The following TAFA1 variants were observed in gnomAD, a reference collection of about 807,000 sequenced individuals.
The protein encoded by TAFA1 is TAFA chemokine like family member 1, also known as chemokine-like protein TAFA-1.
TAFA1 carries 4 observed loss-of-function variants against 18.5 expected under a neutral mutation model. The observed-to-expected ratio is 0.22, with a 90% CI of 0.11 to 0.49. The LOEUF is 0.49. Among genes scored for constraint, TAFA1 ranks in the 20% least tolerant of loss-of-function variants. The pLI, the probability that TAFA1 is intolerant of heterozygous loss-of-function variation, is 0.98. For missense variants in TAFA1, 147 were observed against 169.0 expected, an observed-to-expected ratio of 0.87 and a Z score of 0.72; for synonymous variants, 56 against 55.2, an observed-to-expected ratio of 1.01 and a Z score of -0.06.
At chr3:68,335,766 A>G (rs2068960363) in intron 2 of TAFA1, among the ~76,000 whole-genome samples, 1 of 152,254 alleles carries the variant, frequency 6.6e-6, no homozygotes, top group Non-Finnish European at 1.5e-5. Flanking sequence ...AGCTAGAATG[A>G]ACACCCAGTT....
In TAFA1 at chr3:68,199,905, C is replaced by A. The variant is rs562925874; in HGVS notation, c.118+193161C>A. The stretch of plus-strand genomic sequence containing the variant: ...GAAAAGGAGTGGTGAGAGGCGACAC[C>A]CTTGCATTGTTTTTGATCTTAGTGG... On this transcript the variant is annotated intron_variant, in intron 2 of 4. Coordinates refer to ENST00000478136, the MANE Select transcript of TAFA1 (RefSeq NM_213609.4). Among the ~76,000 whole-genome samples the A allele has an allele frequency of 3.3e-5, 5 of 151,506 alleles. No homozygotes were observed. The East Asian group carries it at 7.8e-4, about 24-fold the overall frequency.
chr3:68,530,135 G>T (rs2073169756), intron 3 of TAFA1, among the ~76,000 whole-genome samples: 2 of 152,154 alleles, frequency 1.3e-5, no homozygotes, highest in African/African-American at 4.8e-5. Flanking sequence ...AGCAGGTAAT[G>T]TTTTGATAAA....
At chr3:68,165,158 G>T (rs144495993) in intron 2 of TAFA1, among the ~76,000 whole-genome samples, 1 of 152,266 alleles carries the variant, frequency 6.6e-6, no homozygotes, top group African/African-American at 2.4e-5. Context: ...TCGACTGCTG[G>T]AATTTTAGAA....
At chr3:68,332,154 C>T (rs1444617494) in intron 2 of TAFA1, among the ~76,000 whole-genome samples, 11 of 151,538 alleles carry the variant, frequency 7.3e-5, no homozygotes, top group African/African-American at 1.5e-4. Flanking sequence ...TGAGCCACCG[C>T]GCCCGGCCAA....
intron 3 of TAFA1, among the ~76,000 whole-genome samples, chr3:68,531,802 G>A (rs1053239579): frequency 1.3e-5 from 2 of 152,090 alleles, no homozygotes; most frequent in Admixed American, 1.3e-4. Context: ...TCAACTGATG[G>A]TTGCCAGGCA....
At chr3:68,415,379 T>C (rs1185071681) in intron 2 of TAFA1, among the ~76,000 whole-genome samples, 1 of 152,072 alleles carries the variant, frequency 6.6e-6, no homozygotes, top group African/African-American at 2.4e-5. Context: ...AGGAAATGTG[T>C]AGGGTGCTAA....
intron 2 of TAFA1, among the ~76,000 whole-genome samples, chr3:68,416,164 T>C (rs759250624): frequency 2.0e-5 from 3 of 152,170 alleles, no homozygotes; most frequent in African/African-American, 4.8e-5. Context: ...ACCACTGCAC[T>C]GAGGATCTCT....
At chr3:68,534,917 T>G (rs2073251771) in intron 3 of TAFA1, among the ~76,000 whole-genome samples, 1 of 151,862 alleles carries the variant, frequency 6.6e-6, no homozygotes, top group African/African-American at 2.4e-5. Flanking sequence ...CTGACCCCAC[T>G]GGCGGATGTG....
At chr3:68,481,201 G>C (rs556581659) in intron 3 of TAFA1, among the ~76,000 whole-genome samples, 53 of 152,262 alleles carry the variant, frequency 3.5e-4, no homozygotes, top group African/African-American at 1.2e-3. Context: ...CTGGATTTGA[G>C]ACTTGATTCT....
chr3:68,319,768 T>C (rs1308886426), intron 2 of TAFA1, among the ~76,000 whole-genome samples: 1 of 152,212 alleles, frequency 6.6e-6, no homozygotes, highest in African/African-American at 2.4e-5. Context: ...TTAAAATACA[T>C]GTTTTCATAT....
At chr3:68,366,541 T>C (rs2069576344) in intron 2 of TAFA1, among the ~76,000 whole-genome samples, 1 of 152,158 alleles carries the variant, frequency 6.6e-6, no homozygotes, top group African/African-American at 2.4e-5. Flanking sequence ...TGGGTGGAAA[T>C]GTAAAGAACC....
intron 2 of TAFA1, among the ~76,000 whole-genome samples, chr3:68,058,289 A>T (rs1379162146): frequency 6.6e-6 from 1 of 152,228 alleles, no homozygotes; most frequent in Non-Finnish European, 1.5e-5. Flanking sequence ...TATTGTTGTT[A>T]TAAGCATTGA....
rs550753280 is a variant in TAFA1 at position 68,197,572 on chromosome 3, C to CTT, written c.118+190837_118+190838dup. Among the ~76,000 whole-genome samples the CTT allele has an allele frequency of 5.1e-4, 76 of 148,380 alleles. No homozygotes were observed. In the South Asian group the frequency reaches 7.9e-3, roughly 15 times the overall value. ...ATTATAAAGAAAGAAATGTCAATGC[C>CTT]TTTTTTTTTTAATTGCTGGCTGGTG... On this transcript the variant is annotated intron_variant, in intron 2 of 4. Coordinates refer to ENST00000478136, the MANE Select transcript of TAFA1 (RefSeq NM_213609.4).
rs766462090 is a variant in TAFA1 at position 68,528,109 on chromosome 3, C to A, written c.260-10647C>A. 2.0e-5 allele frequency among the ~76,000 whole-genome samples: 3 copies of A among 152,082 alleles called. 1 individual carries two copies. Among genetic ancestry groups the A allele is most frequent in the Middle Eastern group, 6.3e-3 (2 of 316 alleles). The stretch of plus-strand genomic sequence containing the variant: ...TCTTGCATTAAAGATAAGGCATTAA[C>A]CCTGTATGAAGGTGAGGGGATGGAT... On this transcript the variant is annotated intron_variant, in intron 3 of 4. Transcript: ENST00000478136.
intron 2 of TAFA1, among the ~76,000 whole-genome samples, chr3:68,413,571 A>G (rs1315003234): frequency 6.6e-6 from 1 of 152,226 alleles, no homozygotes; most frequent in Admixed American, 6.5e-5. Flanking sequence ...TTGAAAATTA[A>G]ATGAAATATG....
chr3:68,118,421 G>A (rs112369191), intron 2 of TAFA1, among the ~76,000 whole-genome samples: 4,118 of 152,122 alleles, frequency 0.027, 174 homozygotes, highest in African/African-American at 0.092. Flanking sequence ...CTCACCTGCC[G>A]CTCACCTCCT....
At chr3:68,411,415 C>T (rs1014067809) in intron 2 of TAFA1, among the ~76,000 whole-genome samples, 10 of 152,114 alleles carry the variant, frequency 6.6e-5, no homozygotes, top group Admixed American at 5.2e-4. Context: ...ATTCATTTTT[C>T]ACTTTGTTCA....
At chr3:68,228,498 A>G (rs1197842009) in intron 2 of TAFA1, among the ~76,000 whole-genome samples, 1 of 152,156 alleles carries the variant, frequency 6.6e-6, no homozygotes, top group Non-Finnish European at 1.5e-5. Context: ...TTATTACTGT[A>G]TATTTTCTGT....
At chr3:68,104,156 A>G (rs986321589) in intron 2 of TAFA1, among the ~76,000 whole-genome samples, 1 of 152,126 alleles carries the variant, frequency 6.6e-6, no homozygotes, top group Non-Finnish European at 1.5e-5. Flanking sequence ...ACTTTATACC[A>G]GTCTGATTCT....
Sources: allele counts gnomAD v4.1 joint callset (sites outside exome capture counted in the v4.1 genomes callset), GRCh38; gene constraint gnomAD v4.1.1; transcripts MANE v1.5; gene names NCBI Gene and HGNC (gene_info 2026-07-23, HGNC 2026-07-21).